Variants in SPAST observed in about 807,000 individuals in gnomAD.
SPAST encodes spastin.
In SPAST, 30 loss-of-function variants were observed where a neutral mutation model predicts 76.6. That is an observed-to-expected ratio of 0.39 (90% confidence interval 0.29 to 0.53). SPAST has a LOEUF of 0.53. Ranked by LOEUF, SPAST falls within the 20% of genes least tolerant of loss-of-function variation. The probability of loss-of-function intolerance (pLI) is 0.68; values close to 1 mark genes in which losing one functional copy is unlikely to be tolerated. For missense variants in SPAST, 717 were observed against 770.5 expected, an observed-to-expected ratio of 0.93 and a Z score of 0.82; for synonymous variants, 305 against 281.0, an observed-to-expected ratio of 1.09 and a Z score of -0.86.
chr2:32,153,893 A>G (rs1400751227), intron 16 of SPAST, among the ~76,000 whole-genome samples: 2 of 152,126 alleles, frequency 1.3e-5, no homozygotes, highest in African/African-American at 4.8e-5. Flanking sequence ...CCTGGCCATC[A>G]TGGCGAAACC....
At chr2:32,126,388 G>T (rs1558330512) in intron 7 of SPAST, 1 of 148,842 alleles carries the variant, frequency 6.7e-6, no homozygotes, top group Non-Finnish European at 1.5e-5. Context: ...GGATTTCTAA[G>T]TAGAGAAACA....
At chr2:32,111,451 GTATA>G (rs1039278840) in intron 4 of SPAST, among the ~76,000 whole-genome samples, 82 of 146,460 alleles carry the variant, frequency 5.6e-4, no homozygotes, top group Non-Finnish European at 1.1e-3. Flanking sequence ...ATACTGTATA[GTATA>G]TAGAGTATAT....
chr2:32,081,644 C>T (rs1332228670), intron 1 of SPAST, among the ~76,000 whole-genome samples: 2 of 151,600 alleles, frequency 1.3e-5, no homozygotes, highest in African/African-American at 4.8e-5. Context: ...CTTAGCTGGG[C>T]GTGGTAGCGT....
intron 1 of SPAST, among the ~76,000 whole-genome samples, chr2:32,069,077 G>A (rs1676641713): frequency 6.6e-6 from 1 of 152,028 alleles, no homozygotes; most frequent in Admixed American, 6.6e-5. Context: ...GCTGGGCATA[G>A]TGGTGCACGC....
intron 1 of SPAST, among the ~76,000 whole-genome samples, chr2:32,080,783 CTTTTTTTTTTT>C (rs1162817708): frequency 4.3e-4 from 21 of 48,430 alleles, no homozygotes; most frequent in South Asian, 9.1e-4. Context: ...TGGCTCAGTT[CTTTTTTTTTTT>C]TTTTTTTTTT....
At chr2:32,107,152 A>G (rs1164873791) in intron 4 of SPAST, among the ~76,000 whole-genome samples, 3 of 152,096 alleles carry the variant, frequency 2.0e-5, no homozygotes. Context: ...GTTTGAAAAA[A>G]TTGAACTTTG....
At chr2:32,096,693 GT>G (rs1677929308) in intron 3 of SPAST, among the ~76,000 whole-genome samples, 1 of 151,920 alleles carries the variant, frequency 6.6e-6, no homozygotes, top group African/African-American at 2.4e-5. Flanking sequence ...ATAATGAATG[GT>G]TCTGTTAACT....
At chr2:32,140,934 G>A (rs1011330793) in intron 12 of SPAST, among the ~76,000 whole-genome samples, 1 of 100,272 alleles carries the variant, frequency 1.0e-5, no homozygotes, top group Non-Finnish European at 2.1e-5. Context: ...GGCAGGTTTT[G>A]TTGTTGTTGT....
chr2:32,065,345 C>T (rs991013211), intron 1 of SPAST, among the ~76,000 whole-genome samples: 2 of 151,962 alleles, frequency 1.3e-5, no homozygotes, highest in South Asian at 2.1e-4. Context: ...ATTATATGTG[C>T]CAGGCATTGT....
At chr2:32,083,711 A>G (rs1332689665) in intron 1 of SPAST, among the ~76,000 whole-genome samples, 2 of 77,052 alleles carry the variant, frequency 2.6e-5, no homozygotes, top group Non-Finnish European at 2.6e-5. Flanking sequence ...ATATTTTTAT[A>G]CTATATATAT....
intron 1 of SPAST, 56 bp downstream of exon 1, chr2:32,064,302 G>T (rs1676421384): frequency 7.6e-6 from 8 of 1,055,126 alleles, no homozygotes; most frequent in African/African-American, 1.6e-5. Context: ...CGGTGGGGTC[G>T]CCGGGGGAGG....
At chr2:32,135,818 G>T (rs3769603) in intron 9 of SPAST, among the ~76,000 whole-genome samples, 57,523 of 151,904 alleles carry the variant, frequency 0.38, 11,303 homozygotes, top group East Asian at 0.64. Context: ...AGGAAAGATA[G>T]GATTGGAAAC....
At chr2:32,133,546 G>T in intron 9 of SPAST, among the ~76,000 whole-genome samples, 1 of 151,984 alleles carries the variant, frequency 6.6e-6, no homozygotes, top group East Asian at 1.9e-4. Context: ...CATTGTATTT[G>T]TGAGATTTAT....
chr2:32,092,605 T>G (rs1009724993), intron 3 of SPAST, among the ~76,000 whole-genome samples: 1 of 152,220 alleles, frequency 6.6e-6, no homozygotes, highest in Non-Finnish European at 1.5e-5. Context: ...AAACTAGGCA[T>G]TTAAAGATTT....
chr2:32,064,083 C>T lies in SPAST; in HGVS notation c.252C>T (p.Arg84=), dbSNP rs1214213632. The T allele has an allele frequency of 6.2e-7, 1 of 1,612,070 alleles. No individual in the cohort carries two copies. The highest frequency in any genetic ancestry group is 8.5e-7 in the Non-Finnish European group (1 of 1,179,166). ...LFVWLCQRFS[R]ALMAAKRSSG... ...TGTGGCTCTGCCAGCGCTTCTCCCG[C>T]GCCCTCATGGCAGCCAAGAGGAGCT... is the stretch of plus-strand genomic sequence containing the variant. Residue 84 remains arginine (R), a synonymous_variant, in exon 1 of 17, where the codon CGC becomes CGT. Coordinates refer to ENST00000315285, the MANE Select transcript of SPAST (RefSeq NM_014946.4).
In SPAST at chr2:32,127,021, T is replaced by C. The variant is rs1553316845; in HGVS notation, c.1172T>C (p.Leu391Pro). The change falls in exon 8 of 17, where the codon CTG (leucine) becomes CCG (proline). Residue 391 changes from leucine to proline, a missense_variant and splice_region_variant. Leu to Pro is a moderately conservative substitution (Grantham distance 98). Around this residue, in one of 3 missense-constraint regions of SPAST, gnomAD observed 78 missense variants for 197.6 expected, o/e 0.39. Transcript: ENST00000315285. ...CCACCTGGGAATGGGAAGACAATGC[T>C]GGTAAGGGTTCTCTTCAAATTTGAG... ...FGPPGNGKTM[L>P]AKAVAAESNA... 6.2e-7 allele frequency: 1 copy of C among 1,605,208 alleles called. No individual in the cohort carries two copies. The highest frequency in any genetic ancestry group is 8.5e-7 in the Non-Finnish European group (1 of 1,171,898).
intron 1 of SPAST, among the ~76,000 whole-genome samples, chr2:32,083,765 TATATATA>T (rs1558620230): frequency 4.5e-4 from 44 of 97,972 alleles, no homozygotes; most frequent in African/African-American, 1.0e-3. Flanking sequence ...TATATATATA[TATATATA>T]TATATTTTTT....
At chr2:32,099,174 T>A (rs1558312443) in intron 4 of SPAST, among the ~76,000 whole-genome samples, 1 of 152,214 alleles carries the variant, frequency 6.6e-6, no homozygotes, top group Non-Finnish European at 1.5e-5. Context: ...TAAAATAATC[T>A]TTTTTTCTGT....
intron 7 of SPAST, among the ~76,000 whole-genome samples, chr2:32,125,685 T>C (rs939846323): frequency 6.6e-6 from 1 of 152,194 alleles, no homozygotes; most frequent in Non-Finnish European, 1.5e-5. Context: ...CTCTGACTTA[T>C]TTCTTTAGAG....
Sources: allele counts gnomAD v4.1 joint callset (sites outside exome capture counted in the v4.1 genomes callset), GRCh38; gene constraint gnomAD v4.1.1; regional missense constraint gnomAD v4.1.1; transcripts MANE v1.5; gene names NCBI Gene and HGNC (gene_info 2026-07-23, HGNC 2026-07-21).